Variants in MKLN1 observed in about 807,000 individuals in gnomAD.
The protein encoded by MKLN1 is muskelin.
Under a neutral mutation model 99.0 loss-of-function variants are expected in MKLN1, and 18 were observed. The observed-to-expected ratio is 0.18, with a 90% confidence interval of 0.13 to 0.27. The LOEUF (loss-of-function observed/expected upper bound fraction) is 0.27. MKLN1 is among the 10% of genes least tolerant of loss of function. The pLI is 1.00. For synonymous variants in MKLN1, 288 were observed against 293.2 expected (o/e 0.98, Z 0.18); for missense variants, 621 against 875.9 (o/e 0.71, Z 3.67).
At chr7:131,325,731 G>A (rs1798872007), upstream of MKLN1, among the ~76,000 whole-genome samples, 1 of 151,586 alleles carries the variant, frequency 6.6e-6, no homozygotes, top group African/African-American at 2.4e-5. Context: ...AAATTTCCAG[G>A]ACCAAACAGT....
At chr7:131,195,081 T>C (rs1311765352) in intron 2 of MKLN1, among the ~76,000 whole-genome samples, 1 of 152,186 alleles carries the variant, frequency 6.6e-6, no homozygotes, top group Non-Finnish European at 1.5e-5. Flanking sequence ...GGGTCTCTAC[T>C]GAGGAAAAGA....
At chr7:131,384,010 A>G (rs1038379334) in intron 2 of MKLN1, among the ~76,000 whole-genome samples, 1 of 152,226 alleles carries the variant, frequency 6.6e-6, no homozygotes, top group African/African-American at 2.4e-5. Context: ...CATTGAATTT[A>G]TAATTCAAAC....
intron 3 of MKLN1, among the ~76,000 whole-genome samples, chr7:131,239,286 G>A (rs377464916): frequency 7.9e-5 from 12 of 151,334 alleles, no homozygotes; most frequent in South Asian, 2.1e-4. Flanking sequence ...GCTAATTTAC[G>A]TATTATGTGT....
At chr7:131,222,059 C>T (rs2116454542) in intron 3 of MKLN1, among the ~76,000 whole-genome samples, 1 of 152,006 alleles carries the variant, frequency 6.6e-6, no homozygotes. Flanking sequence ...GCATGCACCA[C>T]CATGCCCGGC....
At chr7:131,443,326 A>G (rs1795896349) in intron 10 of MKLN1, among the ~76,000 whole-genome samples, 155 bp from the exon 11 acceptor site, 1 of 152,216 alleles carries the variant, frequency 6.6e-6, no homozygotes, top group Non-Finnish European at 1.5e-5. Flanking sequence ...AATTATTTAG[A>G]AACTTGCATA....
intron 1 of MKLN1, among the ~76,000 whole-genome samples, chr7:131,134,021 G>A (rs570606248): frequency 1.7e-4 from 25 of 151,318 alleles, no homozygotes; most frequent in Admixed American, 7.9e-4. Flanking sequence ...GTGGAGACGG[G>A]GTTTCACCAT....
At chr7:131,290,984 A>T (rs983889745) in intron 3 of MKLN1, among the ~76,000 whole-genome samples, 4 of 152,202 alleles carry the variant, frequency 2.6e-5, no homozygotes, top group Admixed American at 6.5e-5. Flanking sequence ...AAATATCATC[A>T]TCACCATGGT....
intron 8 of MKLN1, among the ~76,000 whole-genome samples, chr7:131,419,433 T>C (rs1795126984): frequency 6.6e-6 from 1 of 151,434 alleles, no homozygotes; most frequent in Non-Finnish European, 1.5e-5. Flanking sequence ...AGTAGGACAT[T>C]GTTGTGCCAT....
chr7:131,472,582 G>A (rs1796847398), intron 16 of MKLN1, among the ~76,000 whole-genome samples: 1 of 117,306 alleles, frequency 8.5e-6, no homozygotes, highest in South Asian at 3.1e-4. Flanking sequence ...AGAAAGAAAT[G>A]TTGAAGTGTG....
At chr7:131,251,772 C>T (rs1222287162) in intron 3 of MKLN1, among the ~76,000 whole-genome samples, 1 of 151,866 alleles carries the variant, frequency 6.6e-6, no homozygotes, top group Admixed American at 6.6e-5. Flanking sequence ...TGGGCTCAAG[C>T]GATCCTCCCA....
At chr7:131,417,286 T>C (rs1182469789) in intron 8 of MKLN1, among the ~76,000 whole-genome samples, 2 of 152,170 alleles carry the variant, frequency 1.3e-5, no homozygotes, top group African/African-American at 4.8e-5. Flanking sequence ...CCAAAGAAAA[T>C]CTGGGGAATT....
At chr7:131,476,830 C>T (rs892743495) in intron 16 of MKLN1, among the ~76,000 whole-genome samples, 1 of 152,196 alleles carries the variant, frequency 6.6e-6, no homozygotes, top group African/African-American at 2.4e-5. Context: ...TATCTGATTT[C>T]AGGACTCTGT....
chr7:131,279,083 G>A (rs1434393073), intron 3 of MKLN1, among the ~76,000 whole-genome samples: 5 of 152,192 alleles, frequency 3.3e-5, no homozygotes, highest in Admixed American at 2.0e-4. Context: ...AGTGTTTACT[G>A]TGTGCCAGAC....
At chr7:131,265,082 C>T (rs1797788202) in intron 3 of MKLN1, among the ~76,000 whole-genome samples, 1 of 152,162 alleles carries the variant, frequency 6.6e-6, no homozygotes. Context: ...TCAGGTAATC[C>T]ACCTGCTTCA....
chr7:131,209,528 T>C (rs11764091), intron 3 of MKLN1, among the ~76,000 whole-genome samples: 27,014 of 152,144 alleles, frequency 0.18, 2,907 homozygotes, highest in Non-Finnish European at 0.25. Context: ...TCCTCTGTTA[T>C]CAGCTCGGGC....
intron 3 of MKLN1, among the ~76,000 whole-genome samples, chr7:131,235,184 CACTCTATCTCTG>C: frequency 6.6e-6 from 1 of 152,200 alleles, no homozygotes; most frequent in Non-Finnish European, 1.5e-5. Flanking sequence ...CTCTCTCTTT[CACTCTATCTCTG>C]TCTCTCCCTC....
intron 3 of MKLN1, among the ~76,000 whole-genome samples, chr7:131,282,207 G>T (rs1798061571): frequency 6.6e-6 from 1 of 151,904 alleles, no homozygotes; most frequent in African/African-American, 2.4e-5. Context: ...AAATTAGCTG[G>T]GCATGGTGGC....
intron 8 of MKLN1, 63 bp downstream of exon 8, chr7:131,414,773 C>A: frequency 1.6e-6 from 1 of 642,982 alleles, no homozygotes; most frequent in Non-Finnish European, 2.3e-6. Context: ...CTAAACCAGG[C>A]AGTGGCAGGT....
At chr7:131,228,605 C>T (rs560737124) in intron 3 of MKLN1, among the ~76,000 whole-genome samples, 57 of 152,284 alleles carry the variant, frequency 3.7e-4, no homozygotes, top group African/African-American at 1.3e-3. Context: ...ACAATAAGAT[C>T]TCTTTTATGG....
Sources: allele counts gnomAD v4.1 joint callset (sites outside exome capture counted in the v4.1 genomes callset), GRCh38; gene constraint gnomAD v4.1.1; transcripts MANE v1.5; gene names NCBI Gene and HGNC (gene_info 2026-07-23, HGNC 2026-07-21).